The following RMI1 variants were observed in gnomAD, a reference collection of about 807,000 sequenced individuals.
RMI1 encodes recQ-mediated genome instability protein 1.
In RMI1, 36 loss-of-function variants were observed where a neutral mutation model predicts 46.7. That is an observed-to-expected ratio of 0.77 (90% confidence interval 0.59 to 1.02). The LOEUF is 1.02. Among genes scored for constraint, RMI1 ranks in the 50% least tolerant of loss-of-function variants. RMI1 has a pLI of 0.00. For synonymous variants in RMI1, 250 were observed against 252.9 expected (o/e 0.99, Z 0.11); for missense variants, 676 against 713.7 (o/e 0.95, Z 0.60).
rs1316088078 is a variant in RMI1, at chr9:84,002,742, A to G, written c.1756A>G (p.Ile586Val). Residue 586 changes from isoleucine to valine, a missense_variant, in exon 3 of 3, where the codon ATA becomes GTA. Coordinates refer to ENST00000445877, the MANE Select transcript of RMI1 (RefSeq NM_001358291.2). ...GTTGCAGAAATGTCAAAGAGATCTA[A>G]TAGATTTGTGCTGTCTAATGACTAT... ...EGLQKCQRDL[I>V]DLCCLMTISF... is the part of the protein sequence containing the mutation. 3 of 1,613,792 alleles carry G rather than the reference A, an allele frequency of 1.9e-6. No individual in the cohort carries two copies. In the Admixed American group the frequency reaches 5.0e-5, roughly 27 times the overall value.
intron 1 of RMI1, among the ~76,000 whole-genome samples, chr9:83,988,186 A>G (rs1440408837): frequency 6.6e-6 from 1 of 152,170 alleles, no homozygotes; most frequent in Admixed American, 6.5e-5. Context: ...ACCTGGCCAC[A>G]TACAGGATTT....
Position 84,002,136 on chromosome 9 carries a change from A to G in RMI1, c.1150A>G (p.Asn384Asp), listed in dbSNP as rs753158526. The G allele has an allele frequency of 1.9e-6, 3 of 1,613,704 alleles. No homozygotes were observed. The highest frequency in any genetic ancestry group is 2.7e-5 in the African/African-American group (2 of 74,944). Residue 384 changes from asparagine to aspartate, a missense_variant, in exon 3 of 3, where the codon AAT (asparagine) becomes GAT (aspartate). By Grantham distance (23) the Asn-to-Asp change is conservative. Transcript: ENST00000445877. ...SEKNVSEQMT[N>D]EDKSFGCPSV... ...AAAAAATGTATCTGAACAAATGACT[A>G]ATGAAGACAAATCATTTGGTTGTCC...
intron 1 of RMI1, among the ~76,000 whole-genome samples, chr9:83,989,445 G>A (rs1318715243): frequency 6.6e-6 from 1 of 151,822 alleles, no homozygotes; most frequent in Non-Finnish European, 1.5e-5. Flanking sequence ...ATCTGACGAG[G>A]GATTAATAAC....
chr9:83,994,556 C>T (rs995455785), intron 1 of RMI1, among the ~76,000 whole-genome samples: 7 of 152,124 alleles, frequency 4.6e-5, no homozygotes, highest in Non-Finnish European at 1.0e-4. Context: ...AAGAGAGTAT[C>T]GTTTTTCCAT....
chr9:84,003,916 A>AT lies in RMI1; in HGVS notation c.*1061dup, dbSNP rs529777720. ...AGCCTTCCTTTGGTTTTAAGTACTG[A>AT]TTTTTTTTTAAAAAAAAGAGGGACT... On this transcript the variant is annotated 3_prime_UTR_variant, in exon 3 of 3. Transcript: ENST00000445877. 82 of 165,914 alleles carry AT rather than the reference A, an allele frequency of 4.9e-4. 2 individuals carry two copies. Among genetic ancestry groups the AT allele is most frequent in the Middle Eastern group, 6.8e-3 (2 of 296 alleles). The allele number at this position is 165,914 out of a possible 1,614,324, so 10.3% of individuals were successfully genotyped here. A position where few individuals can be genotyped will look rare whatever the true frequency, so the allele number is the denominator to read the frequency against.
chr9:83,998,330 C>A (rs903788303), intron 1 of RMI1, among the ~76,000 whole-genome samples: 1 of 151,994 alleles, frequency 6.6e-6, no homozygotes, highest in Non-Finnish European at 1.5e-5. Context: ...CCTTAACTTC[C>A]CCATGTCCTT....
chr9:83,988,496 G>A (rs954231796), intron 1 of RMI1, among the ~76,000 whole-genome samples: 2 of 152,072 alleles, frequency 1.3e-5, no homozygotes, highest in Non-Finnish European at 2.9e-5. Flanking sequence ...TAGAGACAGA[G>A]TTTTGCTGTG....
chr9:83,984,295 G>A (rs944972476), intron 1 of RMI1, among the ~76,000 whole-genome samples: 2 of 147,482 alleles, frequency 1.4e-5, no homozygotes, highest in Non-Finnish European at 3.0e-5. Context: ...TTGAGACTGA[G>A]TTTCGTTCTT....
At chr9:83,999,155 AAATAGAATAAAATAG>A (rs1957701610) in intron 1 of RMI1, among the ~76,000 whole-genome samples, 1 of 146,688 alleles carries the variant, frequency 6.8e-6, no homozygotes. Context: ...AAGTAAAATA[AAATAGAATAAAATAG>A]AATAGAATAA....
At chr9:83,993,975 G>T (rs1270102061) in intron 1 of RMI1, among the ~76,000 whole-genome samples, 7 of 150,134 alleles carry the variant, frequency 4.7e-5, no homozygotes, top group Admixed American at 4.0e-4. Context: ...GTAGAGATGG[G>T]GTTTCGCCAT....
intron 1 of RMI1, among the ~76,000 whole-genome samples, chr9:83,982,432 G>A (rs1195141738): frequency 6.6e-6 from 1 of 152,134 alleles, no homozygotes; most frequent in Non-Finnish European, 1.5e-5. Context: ...GGGAGGCCGA[G>A]GCGGGCGGAC....
At chr9:83,997,398 A>G (rs983235213) in intron 1 of RMI1, among the ~76,000 whole-genome samples, 11 of 151,282 alleles carry the variant, frequency 7.3e-5, no homozygotes, top group African/African-American at 2.2e-4. Context: ...GGTACGAGCT[A>G]CTGTGCCTGG....
rs1393772013 is a variant in RMI1 at position 84,002,514 on chromosome 9, G to A, written c.1528G>A (p.Val510Met). The change falls in exon 3 of 3, where the codon GTG (valine) becomes ATG (methionine). Residue 510 changes from valine to methionine, a missense_variant. By Grantham distance (21) the Val-to-Met change is conservative. Transcript: ENST00000445877. ...ACCAAAGGAAGTTACAACAGTGAAA[G>A]TGAAAGCATTTATTGTAACCTTAAC... ...SKPKEVTTVK[V>M]KAFIVTLTGN... is the part of the protein sequence containing the mutation. 3.1e-6 allele frequency: 5 copies of A among 1,613,868 alleles called. No individual in the cohort carries two copies. The highest frequency in any genetic ancestry group is 4.2e-6 in the Non-Finnish European group (5 of 1,179,934).
At chr9:83,991,847 T>A (rs75185841) in intron 1 of RMI1, among the ~76,000 whole-genome samples, 4,158 of 152,310 alleles carry the variant, frequency 0.027, 208 homozygotes, top group African/African-American at 0.096. Flanking sequence ...TCCAGTATGT[T>A]AATCCTTTTG....
At chr9:83,986,809 C>T (rs1331590313) in intron 1 of RMI1, among the ~76,000 whole-genome samples, 1 of 152,178 alleles carries the variant, frequency 6.6e-6, no homozygotes, top group Admixed American at 6.5e-5. Flanking sequence ...TTGACCTTTT[C>T]AGTTCATAAC....
At position 84,003,796 on chromosome 9, in the gene RMI1, A is replaced by C. The variant is rs1253023557; in HGVS notation, c.*932A>C. On this transcript the variant is annotated 3_prime_UTR_variant, in exon 3 of 3. Coordinates refer to ENST00000445877, the MANE Select transcript of RMI1 (RefSeq NM_001358291.2). ...TGGCATATTGAAAACATCATTATTA[A>C]GATCCAGTAGGTAGGACATTTATTG... is the stretch of plus-strand genomic sequence containing the variant. The C allele has an allele frequency of 1.2e-5, 2 of 167,022 alleles. No homozygotes were observed. Among genetic ancestry groups the C allele is most frequent in the African/African-American group, 4.8e-5 (2 of 41,464 alleles). 10.3% of individuals were successfully genotyped at this position (167,022 alleles called of 1,614,324 possible).
intron 1 of RMI1, among the ~76,000 whole-genome samples, chr9:83,995,725 G>A (rs531439501): frequency 2.6e-5 from 4 of 152,300 alleles, no homozygotes; most frequent in Admixed American, 2.0e-4. Context: ...ACTGCGCCCA[G>A]CAGGTAATAT....
chr9:83,982,516 AAAT>A (rs1333483027), intron 1 of RMI1, among the ~76,000 whole-genome samples: 1 of 151,994 alleles, frequency 6.6e-6, no homozygotes, highest in Non-Finnish European at 1.5e-5. Context: ...ACAAAAAAAA[AAAT>A]TAGCCGGGTG....
intron 1 of RMI1, 46 bp from the exon 2 acceptor site, chr9:83,999,663 A>G (rs919305283): frequency 3.9e-5 from 6 of 152,188 alleles, no homozygotes; most frequent in Non-Finnish European, 7.3e-5. Flanking sequence ...CTGTCTTTCT[A>G]CAACTTCATC....
Sources: allele counts gnomAD v4.1 joint callset (sites outside exome capture counted in the v4.1 genomes callset), GRCh38; gene constraint gnomAD v4.1.1; transcripts MANE v1.5; gene names NCBI Gene and HGNC (gene_info 2026-07-23, HGNC 2026-07-21).